Variants in ADCY2 observed in about 807,000 individuals in gnomAD.
The protein encoded by ADCY2 is adenylate cyclase type 2.
ADCY2 carries 31 observed loss-of-function variants against 125.2 expected under a neutral mutation model. The observed-to-expected ratio is 0.25, with a 90% CI of 0.19 to 0.33. The LOEUF (loss-of-function observed/expected upper bound fraction) is 0.33, where lower values mean the gene tolerates loss of function less well. Among genes scored for constraint, ADCY2 ranks in the 10% least tolerant of loss-of-function variants. The pLI, the probability that ADCY2 is intolerant of heterozygous loss-of-function variation, is 1.00. For missense variants in ADCY2, 904 were observed against 1,418.2 expected (o/e 0.64, Z 5.82); for synonymous variants, 512 against 548.4 (o/e 0.93, Z 0.93).
At chr5:7,610,113 T>G (rs1430883506) in intron 3 of ADCY2, among the ~76,000 whole-genome samples, 4 of 152,230 alleles carry the variant, frequency 2.6e-5, no homozygotes, top group Admixed American at 6.5e-5. Context: ...GGCCTACTTT[T>G]CTGTGTCTAG....
Position 7,709,523 on chromosome 5 carries a change from C to A in ADCY2, c.1578+136C>A. ...TATCACCTTCTTCTTCTCAGAGAGG[C>A]CCTTATGAACAACCATCAGGGTATG... is the stretch of plus-strand genomic sequence containing the variant. On this transcript the variant is annotated intron_variant, in intron 10 of 24. Transcript: ENST00000338316. This position sits in a 1 kb window ranked among gnomAD's most constrained non-coding sequence, Gnocchi z 4.4. 2 of 1,060,264 alleles carry A rather than the reference C, an allele frequency of 1.9e-6. No homozygotes were observed. Among genetic ancestry groups the A allele is most frequent in the Non-Finnish European group, 2.6e-6 (2 of 759,030 alleles). 65.7% of individuals were successfully genotyped at this position (1,060,264 alleles called of 1,614,324 possible).
intron 17 of ADCY2, among the ~76,000 whole-genome samples, chr5:7,771,303 T>A (rs1743550967): frequency 6.6e-6 from 1 of 152,186 alleles, no homozygotes; most frequent in Non-Finnish European, 1.5e-5. Flanking sequence ...CTTTTCCTGT[T>A]CTCTGTCGTG....
intron 19 of ADCY2, among the ~76,000 whole-genome samples, chr5:7,785,854 C>G (rs1342546686): frequency 1.3e-5 from 2 of 152,164 alleles, no homozygotes; most frequent in Admixed American, 1.3e-4. Flanking sequence ...ATTAAATTCT[C>G]CCAACTTTGT....
chr5:7,757,522 G>T lies in ADCY2; in HGVS notation c.2030G>T (p.Trp677Leu), dbSNP rs1743036043. The T allele has an allele frequency of 6.2e-7, 1 of 1,614,014 alleles. No individual in the cohort carries two copies. Among genetic ancestry groups the T allele is most frequent in the African/African-American group, 1.3e-5 (1 of 74,988 alleles). The change falls in exon 16 of 25, where the codon TGG (tryptophan) becomes TTG (leucine). Residue 677 changes from tryptophan (W) to leucine (L), a missense_variant. Physicochemically the swap from Trp to Leu is moderately conservative, Grantham distance 61. This residue lies in a region of ADCY2 where 221 missense variants were observed against 246.2 expected (regional missense o/e 0.90). Transcript: ENST00000338316. ...KSSGIIANRPWPRISLTIITT... is the reference protein window; with the variant it reads ...KSSGIIANRPLPRISLTIITT... ...TCGGGCATCATTGCCAACCGCCCCT[G>T]GCCACGGATCTCTCTCACGATCATC... is the stretch of plus-strand genomic sequence containing the variant.
intron 18 of ADCY2, among the ~76,000 whole-genome samples, chr5:7,773,419 C>G (rs1197266945): frequency 6.6e-6 from 1 of 152,084 alleles, no homozygotes; most frequent in Non-Finnish European, 1.5e-5. Context: ...AAATAATTCT[C>G]TGTTGCGGGC....
intron 22 of ADCY2, among the ~76,000 whole-genome samples, chr5:7,813,084 G>A (rs967510920): frequency 6.6e-6 from 1 of 152,214 alleles, no homozygotes; most frequent in East Asian, 1.9e-4. Context: ...CCCTCTCCCA[G>A]GTAAGCTGAT....
chr5:7,704,618 A>G lies in ADCY2; in HGVS notation c.1110-2126A>G, dbSNP rs570829231. ...TAGTTGGCCGGGCGCGGTGGGTCACACCTGTAATCCCAGCACTTTGGGAGG... is the reference window on the plus strand; with the variant it reads ...TAGTTGGCCGGGCGCGGTGGGTCACGCCTGTAATCCCAGCACTTTGGGAGG... On this transcript the variant is annotated intron_variant, in intron 7 of 24. Transcript: ENST00000338316. Among the ~76,000 whole-genome samples, 554 of 152,208 alleles carry G rather than the reference A, an allele frequency of 3.6e-3. 2 individuals are homozygous for G. Among genetic ancestry groups the G allele is most frequent in the African/African-American group, 0.012 (513 of 41,538 alleles).
intron 2 of ADCY2, among the ~76,000 whole-genome samples, chr5:7,440,904 T>C (rs1740989498): frequency 6.6e-6 from 1 of 152,148 alleles, no homozygotes; most frequent in South Asian, 2.1e-4. Flanking sequence ...CCACTGGAGC[T>C]AGAACAGCCC....
chr5:7,650,217 G>GACACACACACACCACAC (rs1739040086), intron 4 of ADCY2, among the ~76,000 whole-genome samples: 1 of 147,766 alleles, frequency 6.8e-6, no homozygotes, highest in Non-Finnish European at 1.5e-5. Context: ...TGCAGGCACA[G>GACACACACACACCACAC]ACACACACAC....
chr5:7,497,917 T>G (rs935995172), intron 2 of ADCY2, among the ~76,000 whole-genome samples: 1 of 152,192 alleles, frequency 6.6e-6, no homozygotes, highest in African/African-American at 2.4e-5. Flanking sequence ...CAAAAGGACT[T>G]AGGGTGTCCA....
At chr5:7,649,625 G>A (rs1739013840) in intron 4 of ADCY2, among the ~76,000 whole-genome samples, 1 of 152,162 alleles carries the variant, frequency 6.6e-6, no homozygotes, top group Non-Finnish European at 1.5e-5. Context: ...TAGGTCTCCA[G>A]TCTGTTCTCT....
In ADCY2 at chr5:7,690,673, C is replaced by T. The variant is rs773054010; in HGVS notation, c.721-18C>T. 8 of 1,534,324 alleles carry T rather than the reference C, an allele frequency of 5.2e-6. No homozygotes were observed. The South Asian group carries it at 7.7e-5, about 15-fold the overall frequency. Reference sequence around the variant, plus strand: ...GGTGTCTGAGAGACATTTGTTCCTCCTTCCCCACCTTGTCCAGGAGCGGCT... The same window carrying T: ...GGTGTCTGAGAGACATTTGTTCCTCTTTCCCCACCTTGTCCAGGAGCGGCT... On this transcript the variant is annotated intron_variant, in intron 4 of 24. Transcript: ENST00000338316.
intron 4 of ADCY2, chr5:7,690,450 A>T (rs954026783): frequency 1.5e-5 from 5 of 324,136 alleles, no homozygotes; most frequent in Non-Finnish European, 2.8e-5. Flanking sequence ...GCATCCCTTT[A>T]TTCTTCATAC....
intron 17 of ADCY2, among the ~76,000 whole-genome samples, chr5:7,770,642 G>T (rs1743526369): frequency 6.6e-6 from 1 of 152,138 alleles, no homozygotes; most frequent in Non-Finnish European, 1.5e-5. Context: ...GAAGACACAG[G>T]ATTGCCTTGT....
chr5:7,676,399 C>A lies in ADCY2; in HGVS notation c.721-14292C>A, dbSNP rs1232944034. ...ACTAAAGGATGAATCATGAAACATA[C>A]CTAAATGTCATTTCATTAATTTCCT... On this transcript the variant is annotated intron_variant, in intron 4 of 24. Transcript: ENST00000338316. Among the ~76,000 whole-genome samples the A allele has an allele frequency of 2.6e-5, 4 of 152,236 alleles. No individual in the cohort carries two copies. The South Asian group carries it at 8.3e-4, about 32-fold the overall frequency.
chr5:7,403,659 T>G (rs192047586), intron 1 of ADCY2, among the ~76,000 whole-genome samples: 59 of 152,358 alleles, frequency 3.9e-4, no homozygotes, highest in African/African-American at 1.3e-3. Flanking sequence ...GTAAACTTCA[T>G]ATTGAAATTG....
At chr5:7,717,630 T>G (rs1734321006) in intron 12 of ADCY2, among the ~76,000 whole-genome samples, 1 of 152,214 alleles carries the variant, frequency 6.6e-6, no homozygotes, top group African/African-American at 2.4e-5. Context: ...TTGAGATACC[T>G]GTGTTCTAAA....
chr5:7,407,440 G>A (rs976243460), intron 1 of ADCY2, among the ~76,000 whole-genome samples: 2 of 152,142 alleles, frequency 1.3e-5, no homozygotes, highest in Non-Finnish European at 2.9e-5. Context: ...GGAAGGGGAA[G>A]GGGAAGCAAG....
At chr5:7,448,127 T>G (rs2126414379) in intron 2 of ADCY2, among the ~76,000 whole-genome samples, 1 of 152,276 alleles carries the variant, frequency 6.6e-6, no homozygotes, top group East Asian at 1.9e-4. Context: ...AACTCTGGCT[T>G]CTTCTAATCC....
Sources: allele counts gnomAD v4.1 joint callset (sites outside exome capture counted in the v4.1 genomes callset), GRCh38; gene constraint gnomAD v4.1.1; regional missense constraint gnomAD v4.1.1; non-coding constraint Gnocchi (gnomAD v3.1); transcripts MANE v1.5; gene names NCBI Gene and HGNC (gene_info 2026-07-23, HGNC 2026-07-21).